Variants in SCYL2 observed in about 807,000 individuals in gnomAD.
SCYL2 encodes SCY1 like pseudokinase 2, also known as SCY1-like protein 2.
Under a neutral mutation model 100.4 loss-of-function variants are expected in SCYL2, and 36 were observed. That is an observed-to-expected ratio of 0.36 (90% CI 0.27 to 0.47). SCYL2 has a LOEUF of 0.47. SCYL2 is among the 20% of genes least tolerant of loss of function. The pLI is 1.00. For synonymous variants in SCYL2, 330 were observed against 359.2 expected (o/e 0.92, Z 0.92); for missense variants, 902 against 1,083.9 (o/e 0.83, Z 2.36).
At chr12:100,327,679 A>C (rs1952149603) in intron 12 of SCYL2, among the ~76,000 whole-genome samples, 1 of 151,836 alleles carries the variant, frequency 6.6e-6, no homozygotes, top group Non-Finnish European at 1.5e-5. Flanking sequence ...ACGCATGGCT[A>C]ATTTTTTTGT....
At chr12:100,321,643 AAAG>A (rs1157737278) in intron 10 of SCYL2, among the ~76,000 whole-genome samples, 5 of 152,226 alleles carry the variant, frequency 3.3e-5, no homozygotes, top group Non-Finnish European at 5.9e-5. Flanking sequence ...ATAACAAAAA[AAAG>A]AAATTAAAAT....
chr12:100,294,623 C>T lies in SCYL2; in HGVS notation c.335+2963C>T, dbSNP rs187340282. On this transcript the variant is annotated intron_variant, in intron 3 of 17. Coordinates refer to ENST00000360820, the MANE Select transcript of SCYL2 (RefSeq NM_017988.6). Reference sequence around the variant, plus strand: ...GGGTGGCTGGCCGGGCAGAGGGGCTCCTCACTTCCCAGTAGGGGTGGCTGG... The same window carrying T: ...GGGTGGCTGGCCGGGCAGAGGGGCTTCTCACTTCCCAGTAGGGGTGGCTGG... Among the ~76,000 whole-genome samples, 117 of 141,784 alleles carry T rather than the reference C, an allele frequency of 8.3e-4. 1 individual carries two copies. The highest frequency in any genetic ancestry group is 1.3e-3 in the Non-Finnish European group (85 of 64,432). 93.0% of individuals were successfully genotyped at this position (141,784 alleles called of 152,430 possible). A position where few individuals can be genotyped will look rare whatever the true frequency, so the allele number is the denominator to read the frequency against.
chr12:100,287,079 T>C (rs1852361212), intron 2 of SCYL2, among the ~76,000 whole-genome samples: 2 of 152,088 alleles, frequency 1.3e-5, no homozygotes, highest in African/African-American at 4.8e-5. Flanking sequence ...GTCCATAAAA[T>C]AGAGATCTCA....
chr12:100,268,631 A>G (rs1344073272), intron 1 of SCYL2, among the ~76,000 whole-genome samples: 1 of 152,210 alleles, frequency 6.6e-6, no homozygotes, highest in Non-Finnish European at 1.5e-5. Flanking sequence ...TCTAAGATTC[A>G]TAAATACCCA....
rs1296381109 is a variant in SCYL2, at chr12:100,337,482, C to T, written c.2121C>T (p.His707=). 1.2e-6 allele frequency: 2 copies of T among 1,613,442 alleles called. No homozygotes were observed. Among genetic ancestry groups the T allele is most frequent in the Admixed American group, 3.3e-5 (2 of 59,948 alleles). The change falls in exon 17 of 18, where the codon CAC becomes CAT. Residue 707 remains histidine (H), a synonymous_variant. Coordinates refer to ENST00000360820, the MANE Select transcript of SCYL2 (RefSeq NM_017988.6). ...KSQQPLKPQV[H]TPVATVKQTK... Reference sequence around the variant, plus strand: ...AGCAGCCTCTTAAACCCCAAGTGCACACACCTGTTGCTACTGTTAAACAGG... The same window carrying T: ...AGCAGCCTCTTAAACCCCAAGTGCATACACCTGTTGCTACTGTTAAACAGG...
chr12:100,338,572 G>A lies in SCYL2; in HGVS notation c.2190G>A (p.Leu730=), dbSNP rs745546769. 6.2e-7 allele frequency: 1 copy of A among 1,613,200 alleles called. No homozygotes were observed. The highest frequency in any genetic ancestry group is 2.2e-5 in the East Asian group (1 of 44,866). ...CACTGATGGATAATATGTCATCCTT[G>A]ACCAGCCTTTCTGTTAGTACCCCTA... ...TDTLMDNMSS[L]TSLSVSTPKS... The change falls in exon 18 of 18, where the codon TTG becomes TTA. Residue 730 remains leucine, a synonymous_variant. Transcript: ENST00000360820.
intron 10 of SCYL2, among the ~76,000 whole-genome samples, chr12:100,322,266 G>A (rs1260570868): frequency 2.7e-5 from 4 of 148,964 alleles, no homozygotes; most frequent in Non-Finnish European, 6.0e-5. Flanking sequence ...CCAGCTACGC[G>A]GGAGGCTGAG....
At chr12:100,295,324 C>A (rs2096318220) in intron 3 of SCYL2, among the ~76,000 whole-genome samples, 2 of 152,158 alleles carry the variant, frequency 1.3e-5, no homozygotes, top group Admixed American at 1.3e-4. Flanking sequence ...GCAATCTCGG[C>A]ACTTTGGGAG....
intron 11 of SCYL2, among the ~76,000 whole-genome samples, chr12:100,324,960 G>A (rs921793079): frequency 6.6e-6 from 1 of 152,298 alleles, no homozygotes; most frequent in African/African-American, 2.4e-5. Flanking sequence ...GCCGGGCATG[G>A]TGGCTCACAC....
At chr12:100,318,476 G>A (rs2096351897) in intron 10 of SCYL2, among the ~76,000 whole-genome samples, 1 of 151,882 alleles carries the variant, frequency 6.6e-6, no homozygotes, top group Admixed American at 6.6e-5. Context: ...AACTACAGGT[G>A]CCTGTCACCA....
chr12:100,324,694 C>T (rs1376588386), intron 11 of SCYL2, among the ~76,000 whole-genome samples: 1 of 152,148 alleles, frequency 6.6e-6, no homozygotes, highest in African/African-American at 2.4e-5. Context: ...TTCTTATTCT[C>T]ACTTTGTTAC....
Position 100,341,030 on chromosome 12 carries a change from C to A in SCYL2, c.*1858C>A. On this transcript the variant is annotated 3_prime_UTR_variant, in exon 18 of 18. Coordinates refer to ENST00000360820, the MANE Select transcript of SCYL2 (RefSeq NM_017988.6). The stretch of plus-strand genomic sequence containing the variant: ...ATGATGTTAGTGTTGAACTCTTAAA[C>A]AGAAAGAAAGCTTAATATAACAGCT... 6.6e-6 allele frequency: 1 copy of A among 151,636 alleles called. No individual in the cohort carries two copies. Among genetic ancestry groups the A allele is most frequent in the East Asian group, 1.9e-4 (1 of 5,174 alleles). 9.4% of individuals were successfully genotyped at this position (151,636 alleles called of 1,614,324 possible).
At chr12:100,286,051 A>G (rs1277369150) in intron 2 of SCYL2, among the ~76,000 whole-genome samples, 1 of 152,144 alleles carries the variant, frequency 6.6e-6, no homozygotes, top group Non-Finnish European at 1.5e-5. Flanking sequence ...TAGGAATATT[A>G]TGACTATCAA....
At position 100,335,665 on chromosome 12, in the gene SCYL2, A is replaced by G. The variant is rs749931442; in HGVS notation, c.1903A>G (p.Met635Val). Residue 635 changes from methionine to valine, a missense_variant, in exon 15 of 18, where the codon ATG (methionine) becomes GTG (valine). Met to Val is a conservative substitution (Grantham distance 21, BLOSUM62 1). Transcript: ENST00000360820. The stretch of plus-strand genomic sequence containing the variant: ...AAATCAAATGAATGTTTCTGAGGAG[A>G]TGAAAGTTACAAATATTGGGAATCA... ...IGNQMNVSEE[M>V]KVTNIGNQQI... 3 of 1,611,114 alleles carry G rather than the reference A, an allele frequency of 1.9e-6. No individual in the cohort carries two copies. The highest frequency in any genetic ancestry group is 2.5e-6 in the Non-Finnish European group (3 of 1,178,104).
At chr12:100,333,811 T>C (rs1452838720) in intron 13 of SCYL2, 1 of 156,294 alleles carries the variant, frequency 6.4e-6, no homozygotes, top group Non-Finnish European at 1.4e-5. Context: ...ATTCAGATGG[T>C]TAATTTTGAA....
chr12:100,332,160 A>C (rs952257900), intron 13 of SCYL2, among the ~76,000 whole-genome samples: 1 of 152,318 alleles, frequency 6.6e-6, no homozygotes, highest in African/African-American at 2.4e-5. Context: ...CCTTGTAATG[A>C]ATTGTGGTTA....
intron 4 of SCYL2, among the ~76,000 whole-genome samples, chr12:100,309,341 A>G (rs915527324): frequency 6.6e-6 from 1 of 152,106 alleles, no homozygotes; most frequent in Non-Finnish European, 1.5e-5. Flanking sequence ...CATCTTAGCA[A>G]TCTGAAACTC....
intron 8 of SCYL2, 91 bp from the exon 9 acceptor site, chr12:100,315,467 G>A: frequency 9.8e-7 from 1 of 1,016,014 alleles, no homozygotes. Context: ...GTTACCTAAA[G>A]GGATTAGAGG....
Position 100,325,013 on chromosome 12 carries a change from G to A in SCYL2, c.1509+1375G>A, listed in dbSNP as rs549370184. Among the ~76,000 whole-genome samples the A allele has an allele frequency of 1.2e-4, 18 of 152,118 alleles. No homozygotes were observed. In the South Asian group the frequency reaches 3.7e-3, roughly 32 times the overall value. ...TGGGAGGCTGAGGCGAGTGGATCTC[G>A]AGCACTGAGTTCAAGACGAGCATGA... On this transcript the variant is annotated intron_variant, in intron 11 of 17. Transcript: ENST00000360820.
Sources: gnomAD v4.1 joint callset for allele counts (sites outside exome capture counted in the v4.1 genomes callset) on GRCh38, gnomAD v4.1.1 for gene constraint, MANE v1.5 for transcripts, NCBI Gene and HGNC (gene_info 2026-07-23, HGNC 2026-07-21) for gene names.